MTM1: variants seen among roughly 807,000 people sequenced by gnomAD.
The protein encoded by MTM1 is myotubularin.
A neutral mutation model predicts 52.1 loss-of-function variants in MTM1; 9 were observed. The ratio of observed to expected loss-of-function variants is 0.17; its 90% CI spans 0.10 to 0.30. The LOEUF (loss-of-function observed/expected upper bound fraction) is 0.30, where lower values mean the gene tolerates loss of function less well. Among genes scored for constraint, MTM1 ranks in the 10% least tolerant of loss-of-function variants. The probability of loss-of-function intolerance (pLI) is 1.00; values close to 1 mark genes in which losing one functional copy is unlikely to be tolerated. For missense variants in MTM1, 277 were observed against 470.7 expected (o/e 0.59, Z 3.81); for synonymous variants, 136 against 163.8 (o/e 0.83, Z 1.29).
chrX:150,567,442 G>GA (rs1302029324), upstream of MTM1, among the ~76,000 whole-genome samples: 2 of 111,146 alleles, frequency 1.8e-5, no homozygotes, highest in South Asian at 3.7e-4. Context: ...ACATACAAGA[G>GA]AAAAAAAACA....
intron 14 of MTM1, among the ~76,000 whole-genome samples, chrX:150,669,913 TTGTTTTTGG>T (rs1432313121): frequency 8.9e-6 from 1 of 112,021 alleles, no homozygotes; most frequent in Non-Finnish European, 1.9e-5. Context: ...TTTGTTGCAA[TTGTTTTTGG>T]TGTTTTTGTC....
Position 150,619,095 on chromosome X carries a change from T to C in MTM1, c.400T>C (p.Phe134Leu). The C allele has an allele frequency of 4.1e-6, 5 of 1,210,250 alleles. No homozygotes were observed. Among genetic ancestry groups the C allele is most frequent in the Non-Finnish European group, 5.6e-6 (5 of 894,289 alleles). Residue 134 changes from phenylalanine to leucine, a missense_variant, in exon 6 of 15, where the codon TTT (phenylalanine) becomes CTT (leucine). By Grantham distance (22) the Phe-to-Leu change is conservative. Transcript: ENST00000370396. ...GGAAGGCCACAGCAGAAGAGATATG[T>C]TTGAGATCCTCACGAGATACGCGTT... ...KQEGHSRRDMFEILTRYAFPL... is the reference protein window; with the variant it reads ...KQEGHSRRDMLEILTRYAFPL...
At chrX:150,585,973 C>G (rs1338908351) in intron 1 of MTM1, among the ~76,000 whole-genome samples, 1 of 111,610 alleles carries the variant, frequency 9.0e-6, no homozygotes, top group African/African-American at 3.3e-5. Context: ...GAGATCAGCC[C>G]AAATCCATCA....
At chrX:150,625,248 T>C (rs1008226034) in intron 6 of MTM1, among the ~76,000 whole-genome samples, 3 of 111,848 alleles carry the variant, frequency 2.7e-5, no homozygotes, top group Non-Finnish European at 5.6e-5. Context: ...GTTGGGGTTT[T>C]GTGAGGATTA....
In MTM1 at chrX:150,612,981, TA is replaced by T. The variant is rs74917014; in HGVS notation, c.232-1593del. Among the ~76,000 whole-genome samples, 390 of 97,193 alleles carry T rather than the reference TA, an allele frequency of 4.0e-3. 1 individual carries two copies. Among genetic ancestry groups the T allele is most frequent in the African/African-American group, 9.5e-3 (252 of 26,429 alleles). The allele number at this position is 97,193 out of a possible 115,157, so 84.4% of individuals were successfully genotyped here. On this transcript the variant is annotated intron_variant, in intron 4 of 14. Coordinates refer to ENST00000370396, the MANE Select transcript of MTM1 (RefSeq NM_000252.3). ...CCTGGGTGACAGAGTGAGACTCATC[TA>T]AAAAAAAAAAAAAATTAAGTGTGGC...
intron 4 of MTM1, among the ~76,000 whole-genome samples, chrX:150,599,273 A>T (rs1235722141): frequency 3.6e-5 from 4 of 112,388 alleles, no homozygotes; most frequent in Non-Finnish European, 7.5e-5. Flanking sequence ...CCTGACCATG[A>T]AAGGTTTGTC....
rs17279135 is a variant in MTM1, at chrX:150,611,025, A to G, written c.232-3564A>G. ...ACTGTGTTTTAAATAACTGCACTGT[A>G]TCGATAAGTAAATACATGAAAATAT... On this transcript the variant is annotated intron_variant, in intron 4 of 14. Coordinates refer to ENST00000370396, the MANE Select transcript of MTM1 (RefSeq NM_000252.3). 4.2e-3 allele frequency among the ~76,000 whole-genome samples: 471 copies of G among 112,101 alleles called. 12 individuals are homozygous for G. In the East Asian group the frequency reaches 0.061, roughly 15 times the overall value.
At chrX:150,662,803 G>T (rs1557414752) in intron 13 of MTM1, among the ~76,000 whole-genome samples, 1 of 104,378 alleles carries the variant, frequency 9.6e-6, no homozygotes, top group Non-Finnish European at 2.0e-5. Context: ...CCTCTCTCTA[G>T]TTTATGGTCA....
rs782798100 is a variant in MTM1 at position 150,663,561 on chromosome X, A to T, written c.1596A>T (p.Glu532Asp). The T allele has an allele frequency of 8.3e-7, 1 of 1,211,169 alleles. No individual in the cohort carries two copies. The highest frequency in any genetic ancestry group is 1.8e-5 in the South Asian group (1 of 56,981). Residue 532 changes from glutamate (E) to aspartate (D), a missense_variant, in exon 14 of 15, where the codon GAA becomes GAT. By Grantham distance (45) the Glu-to-Asp change is conservative. Transcript: ENST00000370396. ...CAGTTGCCAGTATGCGTCACTTGGA[A>T]CTCTGGGTGAATTACTACATTAGAT... Reference protein sequence around the residue: ...LYPVASMRHLELWVNYYIRWN... With the variant: ...LYPVASMRHLDLWVNYYIRWN...
chrX:150,563,050 G>C, the MTM1 span, among the ~76,000 whole-genome samples: 1 of 110,890 alleles, frequency 9.0e-6, no homozygotes, highest in East Asian at 2.9e-4. Flanking sequence ...CCCCCATTAG[G>C]CTGGGCTCTG....
At chrX:150,564,840 G>T (rs142835952), upstream of MTM1, among the ~76,000 whole-genome samples, 302 of 112,000 alleles carry the variant, frequency 2.7e-3, 4 homozygotes, top group African/African-American at 9.3e-3. Context: ...TTCCAAAGGG[G>T]CTGCACTATC....
intron 2 of MTM1, among the ~76,000 whole-genome samples, chrX:150,593,944 C>T (rs782213214): frequency 3.6e-5 from 4 of 110,194 alleles, no homozygotes; most frequent in Non-Finnish European, 7.6e-5. Flanking sequence ...CCAGCCTGGG[C>T]GACAGAGTGA....
At chrX:150,565,321 A>G (rs192557760), upstream of MTM1, among the ~76,000 whole-genome samples, 3 of 112,495 alleles carry the variant, frequency 2.7e-5, no homozygotes, top group East Asian at 2.8e-4. Flanking sequence ...CAGCTTGCCT[A>G]TAGAATTTCT....
intron 6 of MTM1, among the ~76,000 whole-genome samples, chrX:150,623,568 T>A (rs2039517124): frequency 1.8e-5 from 2 of 110,723 alleles, no homozygotes; most frequent in African/African-American, 6.6e-5. Flanking sequence ...AAAATGAATA[T>A]ATTTGTGGAA....
chrX:150,617,239 A>C (rs2039401304), intron 5 of MTM1, among the ~76,000 whole-genome samples: 1 of 112,381 alleles, frequency 8.9e-6, no homozygotes, highest in Non-Finnish European at 1.9e-5. Flanking sequence ...GAGATGGTCT[A>C]ATTTCTGGCC....
At chrX:150,604,844 T>C (rs2266845) in intron 4 of MTM1, among the ~76,000 whole-genome samples, 40,904 of 109,789 alleles carry the variant, frequency 0.37, 6,726 homozygotes, top group East Asian at 0.68. Context: ...AGCCAGGTGT[T>C]CACGGTCCTC....
chrX:150,658,150 G>A lies in MTM1; in HGVS notation c.1260+123G>A, dbSNP rs782318714. The A allele has an allele frequency of 6.6e-5, 38 of 574,685 alleles. 1 individual carries two copies. The highest frequency in any genetic ancestry group is 4.8e-4 in the South Asian group (17 of 35,154). The allele number at this position is 574,685 out of a possible 1,213,427, so 47.4% of individuals were successfully genotyped here. On this transcript the variant is annotated intron_variant, in intron 11 of 14. Transcript: ENST00000370396. ...GAGGAGTGTAATAAAAACTTTACGC[G>A]TTTGAAAATGCATGATGCCTTGGGT... is the stretch of plus-strand genomic sequence containing the variant.
chrX:150,639,069 A>G, intron 7 of MTM1, 43 bp downstream of exon 7: 1 of 983,720 alleles, frequency 1.0e-6, no homozygotes, highest in Non-Finnish European at 1.5e-6. Context: ...ATGAACCTGA[A>G]ACATGCATTA....
intron 14 of MTM1, among the ~76,000 whole-genome samples, chrX:150,670,460 C>T (rs2040378168): frequency 1.8e-5 from 2 of 112,428 alleles, no homozygotes; most frequent in Non-Finnish European, 3.8e-5. Flanking sequence ...CAAGGCGGAG[C>T]ATTGCAGAGC....
Sources: allele counts gnomAD v4.1 joint callset (sites outside exome capture counted in the v4.1 genomes callset), GRCh38; gene constraint gnomAD v4.1.1; transcripts MANE v1.5; gene names NCBI Gene and HGNC (gene_info 2026-07-23, HGNC 2026-07-21).